Variants in SH3RF3 observed in about 807,000 individuals in gnomAD.
SH3RF3 encodes SH3 domain containing ring finger 3, also known as E3 ubiquitin-protein ligase SH3RF3.
SH3RF3 carries 29 observed loss-of-function variants against 66.3 expected under a neutral mutation model. The observed-to-expected ratio is 0.44, with a 90% CI of 0.33 to 0.60. SH3RF3 has a LOEUF of 0.60. SH3RF3 is among the 20% of genes least tolerant of loss of function. The probability of loss-of-function intolerance (pLI) is 0.04; values close to 1 mark genes in which losing one functional copy is unlikely to be tolerated. For missense variants in SH3RF3, 1,194 were observed against 1,190.9 expected, an observed-to-expected ratio of 1.00 and a Z score of -0.04; for synonymous variants, 583 against 532.0, an observed-to-expected ratio of 1.10 and a Z score of -1.32.
intron 1 of SH3RF3, among the ~76,000 whole-genome samples, chr2:109,280,226 G>T (rs142512163): frequency 2.0e-5 from 3 of 152,302 alleles, no homozygotes; most frequent in Non-Finnish European, 4.4e-5. Flanking sequence ...AGAACACCTG[G>T]CTGTGGAGAA....
chr2:109,138,536 C>G (rs1414863227), intron 1 of SH3RF3, among the ~76,000 whole-genome samples: 1 of 152,210 alleles, frequency 6.6e-6, no homozygotes, highest in Non-Finnish European at 1.5e-5. Context: ...TTCTGGACTT[C>G]ATGTATTGTA....
intron 1 of SH3RF3, among the ~76,000 whole-genome samples, chr2:109,242,741 G>A (rs759371316): frequency 7.9e-5 from 12 of 152,204 alleles, no homozygotes; most frequent in Non-Finnish European, 1.8e-4. Context: ...GTCCACAGCT[G>A]GGCCTTGATC....
chr2:109,267,725 T>G (rs1436819212), intron 1 of SH3RF3, among the ~76,000 whole-genome samples: 3 of 152,200 alleles, frequency 2.0e-5, no homozygotes, highest in African/African-American at 7.2e-5. Context: ...CTTCCCTGTT[T>G]CTCAGTGCAT....
chr2:109,452,270 G>A (rs575026643), intron 8 of SH3RF3, among the ~76,000 whole-genome samples: 2 of 152,308 alleles, frequency 1.3e-5, no homozygotes, highest in African/African-American at 4.8e-5. Flanking sequence ...CTCCCTGCAG[G>A]CCGCTTCCTG....
At chr2:109,410,177 C>A (rs990013470) in intron 4 of SH3RF3, among the ~76,000 whole-genome samples, 14 of 152,226 alleles carry the variant, frequency 9.2e-5, no homozygotes, top group African/African-American at 3.1e-4. Context: ...GGAACCGCGG[C>A]CACAGCACTG....
At chr2:109,262,952 C>A (rs755694901) in intron 1 of SH3RF3, among the ~76,000 whole-genome samples, 13 of 152,148 alleles carry the variant, frequency 8.5e-5, no homozygotes, top group Non-Finnish European at 1.3e-4. Flanking sequence ...TCTGTCTCAG[C>A]CTCCCACGTA....
At chr2:109,419,712 C>T in intron 5 of SH3RF3, 70 bp downstream of exon 5, 1 of 1,440,508 alleles carries the variant, frequency 6.9e-7, no homozygotes. Flanking sequence ...CTGACCTGTC[C>T]ACGTGTGGTT....
At chr2:109,251,991 C>T (rs1046137282) in intron 1 of SH3RF3, among the ~76,000 whole-genome samples, 1 of 152,052 alleles carries the variant, frequency 6.6e-6, no homozygotes, top group Non-Finnish European at 1.5e-5. Context: ...GACTATAATC[C>T]CACCACTTTG....
chr2:109,129,873 C>T lies in SH3RF3; in HGVS notation c.333C>T (p.Asn111=), dbSNP rs994568419. 9.8e-6 allele frequency: 15 copies of T among 1,523,608 alleles called. No individual in the cohort carries two copies. Among genetic ancestry groups the T allele is most frequent in the African/African-American group, 2.8e-5 (2 of 70,698 alleles). The allele number at this position is 1,523,608 out of a possible 1,614,324, so 94.4% of individuals were successfully genotyped here. A position where few individuals can be genotyped will look rare whatever the true frequency, so the allele number is the denominator to read the frequency against. ...VGCGVDELPA[N]ILLVRLLDGI... ...GCGGCGTGGACGAACTGCCCGCCAACATCTTGCTGGTGCGACTGCTGGACG... is the reference window on the plus strand; with the variant it reads ...GCGGCGTGGACGAACTGCCCGCCAATATCTTGCTGGTGCGACTGCTGGACG... The change falls in exon 1 of 10, where the codon AAC becomes AAT. Residue 111 remains asparagine (N), a synonymous_variant. Transcript: ENST00000309415.
chr2:109,495,546 C>T lies in SH3RF3; in HGVS notation c.2480+4610C>T, dbSNP rs377294544. 7.1e-3 allele frequency among the ~76,000 whole-genome samples: 914 copies of T among 128,736 alleles called. 12 individuals are homozygous for T. The highest frequency in any genetic ancestry group is 0.026 in the African/African-American group (863 of 33,156). 84.5% of individuals were successfully genotyped at this position (128,736 alleles called of 152,430 possible). On this transcript the variant is annotated intron_variant, in intron 9 of 9. Coordinates refer to ENST00000309415, the MANE Select transcript of SH3RF3 (RefSeq NM_001099289.3). ...TCACTCTGTCTGCTGGAGTGTGCAGCGGTGCAATCTTGGCCCACTGCAACC... is the reference window on the plus strand; with the variant it reads ...TCACTCTGTCTGCTGGAGTGTGCAGTGGTGCAATCTTGGCCCACTGCAACC...
At chr2:109,380,944 A>G (rs1161391983) in intron 3 of SH3RF3, among the ~76,000 whole-genome samples, 1 of 152,264 alleles carries the variant, frequency 6.6e-6, no homozygotes, top group Non-Finnish European at 1.5e-5. Flanking sequence ...AAGAAGCTGC[A>G]TGCATGTAGA....
At chr2:109,447,147 T>TAAAAAAAAAAAAAAAAAA (rs61240132) in intron 7 of SH3RF3, among the ~76,000 whole-genome samples, 5 of 82,692 alleles carry the variant, frequency 6.0e-5, no homozygotes, top group Admixed American at 1.4e-4. Flanking sequence ...CCTGAATATT[T>TAAAAAAAAAAAAAAAAAA]AAAAAAAAAA....
At chr2:109,402,619 G>A (rs79596449) in intron 4 of SH3RF3, among the ~76,000 whole-genome samples, 15 of 152,296 alleles carry the variant, frequency 9.8e-5, no homozygotes, top group Admixed American at 8.5e-4. Context: ...CAGTCCCCTC[G>A]GGACCCAGTG....
chr2:109,288,932 C>T (rs1407894249), intron 1 of SH3RF3, among the ~76,000 whole-genome samples: 2 of 152,168 alleles, frequency 1.3e-5, no homozygotes, highest in Admixed American at 6.5e-5. Flanking sequence ...TTGACTCCAA[C>T]CCATAGCTAT....
chr2:109,178,817 T>G (rs1199192151), intron 1 of SH3RF3, among the ~76,000 whole-genome samples: 1 of 152,158 alleles, frequency 6.6e-6, no homozygotes, highest in Non-Finnish European at 1.5e-5. Flanking sequence ...AGCAAAATAA[T>G]TGTGTTACAG....
chr2:109,147,541 A>G (rs770091628), intron 1 of SH3RF3, among the ~76,000 whole-genome samples: 2 of 152,208 alleles, frequency 1.3e-5, no homozygotes, highest in African/African-American at 4.8e-5. Flanking sequence ...ATGGAATGCT[A>G]AACATAGTAC....
intron 1 of SH3RF3, among the ~76,000 whole-genome samples, chr2:109,284,980 C>G (rs1574550165): frequency 6.6e-6 from 1 of 152,362 alleles, no homozygotes; most frequent in South Asian, 2.1e-4. Context: ...GAAGTGAAGT[C>G]AATGTGGGGA....
rs754799448 is a variant in SH3RF3 at position 109,449,387 on chromosome 2, C to T, written c.2046C>T (p.Ala682=). 26 of 1,612,252 alleles carry T rather than the reference C, an allele frequency of 1.6e-5. No homozygotes were observed. The highest frequency in any genetic ancestry group is 6.7e-5 in the Admixed American group (4 of 59,844). The change falls in exon 8 of 10, where the codon GCC becomes GCT. Residue 682 remains alanine (A), a synonymous_variant. Transcript: ENST00000309415. ...CCATCACACCTCCCAACGTCAGTGC[C>T]GCAAACCTCAACGGGGAGGCTGGAG... ...ASAITPPNVS[A]ANLNGEAGGG... is the part of the protein sequence containing the mutation.
intron 3 of SH3RF3, among the ~76,000 whole-genome samples, chr2:109,376,608 C>T (rs1028522143): frequency 1.3e-5 from 2 of 152,208 alleles, no homozygotes; most frequent in African/African-American, 4.8e-5. Flanking sequence ...CATCGGTTGT[C>T]CAGGTAGAGT....
Sources: allele counts gnomAD v4.1 joint callset (sites outside exome capture counted in the v4.1 genomes callset), GRCh38; gene constraint gnomAD v4.1.1; transcripts MANE v1.5; gene names NCBI Gene and HGNC (gene_info 2026-07-23, HGNC 2026-07-21).